ACAN: variants seen among roughly 807,000 people sequenced by gnomAD.
The protein encoded by ACAN is aggrecan, also known as aggrecan core protein.
Under a neutral mutation model 169.1 loss-of-function variants are expected in ACAN, and 47 were observed. The observed-to-expected ratio is 0.28, with a 90% CI of 0.22 to 0.35. ACAN has a LOEUF of 0.35. ACAN is among the 10% of genes least tolerant of loss of function. ACAN has a pLI of 1.00. For missense variants in ACAN, 2,716 were observed against 2,759.9 expected (o/e 0.98, Z 0.36); for synonymous variants, 1,115 against 1,112.2 (o/e 1.00, Z -0.05).
intron 11 of ACAN, among the ~76,000 whole-genome samples, chr15:88,853,150 G>T (rs79230535): frequency 0.027 from 4,141 of 152,214 alleles, 196 homozygotes; most frequent in African/African-American, 0.095. Flanking sequence ...CTTTGGCATC[G>T]GGGTGTGACT....
chr15:88,858,762 T>A lies in ACAN; in HGVS notation c.6177T>A (p.Pro2059=). 6.2e-7 allele frequency: 1 copy of A among 1,613,958 alleles called. No individual in the cohort carries two copies. Among genetic ancestry groups the A allele is most frequent in the Non-Finnish European group, 8.5e-7 (1 of 1,179,874 alleles). The change falls in exon 12 of 19, where the codon CCT becomes CCA. Residue 2059 remains proline (P), a synonymous_variant. Transcript: ENST00000560601. This position sits in a 1 kb window ranked among gnomAD's most constrained non-coding sequence, Gnocchi z 4.0. Reference sequence around the variant, plus strand: ...CTCAGGAACTAGGCCAAAGGCCCCCTGTGACACACACACCCCAGCTTTTTG... The same window carrying A: ...CTCAGGAACTAGGCCAAAGGCCCCCAGTGACACACACACCCCAGCTTTTTG... ...TISQELGQRP[P]VTHTPQLFES...
In ACAN at chr15:88,858,086, C is replaced by A; in HGVS notation, c.5501C>A (p.Thr1834Asn). ...GESSGITFVD[T>N]SLVEVAPTTF... Reference sequence around the variant, plus strand: ...TCTTCTGGGATTACATTTGTGGACACCAGTTTGGTTGAAGTGGCCCCTACT... The same window carrying A: ...TCTTCTGGGATTACATTTGTGGACAACAGTTTGGTTGAAGTGGCCCCTACT... The change falls in exon 12 of 19, where the codon ACC (threonine) becomes AAC (asparagine). Residue 1834 changes from threonine to asparagine, a missense_variant. By Grantham distance (65) the Thr-to-Asn change is moderately conservative. This residue lies in a region of ACAN where 1,389 missense variants were observed against 1,363.7 expected (regional missense o/e 1.02). Coordinates refer to ENST00000560601, the MANE Select transcript of ACAN (RefSeq NM_001369268.1). The surrounding 1 kb of genome is among the most constrained non-coding windows in gnomAD (Gnocchi z 4.0). 1 of 1,613,802 alleles carries A rather than the reference C, an allele frequency of 6.2e-7. No homozygotes were observed. The highest frequency in any genetic ancestry group is 1.7e-5 in the Admixed American group (1 of 60,006).
In ACAN at chr15:88,872,769, G is replaced by C. The variant is rs987672019; in HGVS notation, c.7303-112G>C. ...GCTGCTATCAGATGAGCCTGAAGTTGGTGCTAAAAGAGAAAGGAGATGATG... is the reference window on the plus strand; with the variant it reads ...GCTGCTATCAGATGAGCCTGAAGTTCGTGCTAAAAGAGAAAGGAGATGATG... On this transcript the variant is annotated intron_variant, in intron 16 of 18. Transcript: ENST00000560601. The surrounding 1 kb of genome is among the most constrained non-coding windows in gnomAD (Gnocchi z 5.4). 2.3e-6 allele frequency: 3 copies of C among 1,312,970 alleles called. No homozygotes were observed. The highest frequency in any genetic ancestry group is 2.1e-6 in the Non-Finnish European group (2 of 958,740). The allele number at this position is 1,312,970 out of a possible 1,614,324, so 81.3% of individuals were successfully genotyped here. A position where few individuals can be genotyped will look rare whatever the true frequency, so the allele number is the denominator to read the frequency against.
At chr15:88,833,735 T>TC (rs1555453138) in intron 1 of ACAN, among the ~76,000 whole-genome samples, 8 of 139,656 alleles carry the variant, frequency 5.7e-5, no homozygotes, top group East Asian at 2.3e-4. Context: ...CTACCCCCAC[T>TC]CTCCTCCCCA....
In ACAN at chr15:88,871,132, T is replaced by G. The variant is rs1306876401; in HGVS notation, c.7061-250T>G. On this transcript the variant is annotated intron_variant, in intron 14 of 18. Transcript: ENST00000560601. The surrounding 1 kb of genome is among the most constrained non-coding windows in gnomAD (Gnocchi z 7.8). ...AAGAGGAGGAAAGCTTGGGAGAGGG[T>G]GAGGGGGGAGGGCGTGGCATCAGGG... 2.0e-5 allele frequency among the ~76,000 whole-genome samples: 3 copies of G among 151,450 alleles called. No individual in the cohort carries two copies. The highest frequency in any genetic ancestry group is 4.4e-5 in the Non-Finnish European group (3 of 67,872).
In ACAN at chr15:88,807,595, G is replaced by C. The variant is rs977283018; in HGVS notation, c.-8+3786G>C. 9.8e-5 allele frequency among the ~76,000 whole-genome samples: 15 copies of C among 152,340 alleles called. No homozygotes were observed. Among genetic ancestry groups the C allele is most frequent in the African/African-American group, 3.4e-4 (14 of 41,578 alleles). ...GCAGAACAAGGGGAGGGCTGGAGAA[G>C]GAGCGGGAGTGCAGGCGAGAGGAGG... On this transcript the variant is annotated intron_variant, in intron 1 of 18. Coordinates refer to ENST00000560601, the MANE Select transcript of ACAN (RefSeq NM_001369268.1). This position sits in a 1 kb window ranked among gnomAD's most constrained non-coding sequence, Gnocchi z 4.0.
intron 13 of ACAN, among the ~76,000 whole-genome samples, chr15:88,862,174 G>C (rs529289439): frequency 6.6e-6 from 1 of 152,344 alleles, no homozygotes; most frequent in East Asian, 1.9e-4. Context: ...GGGAGGAGCT[G>C]AGGAATCTGA....
rs772707511 is a variant in ACAN, at chr15:88,855,157, G to A, written c.2572G>A (p.Gly858Arg). The A allele has an allele frequency of 2.5e-6, 4 of 1,609,274 alleles. No homozygotes were observed. In the Middle Eastern group the frequency reaches 5.0e-4, roughly 200 times the overall value. Residue 858 changes from glycine to arginine, a missense_variant, in exon 12 of 19, where the codon GGG becomes AGG. This residue lies in a region of ACAN where 1,283 missense variants were observed against 1,281.5 expected (regional missense o/e 1.00). Coordinates refer to ENST00000560601, the MANE Select transcript of ACAN (RefSeq NM_001369268.1). ...VPSWTELPSS[G>R]EESGAPDVSG... Reference sequence around the variant, plus strand: ...CAGCTGGACTGAGCTGCCCAGCTCTGGGGAGGAATCTGGGGCCCCTGATGT... The same window carrying A: ...CAGCTGGACTGAGCTGCCCAGCTCTAGGGAGGAATCTGGGGCCCCTGATGT...
intron 5 of ACAN, among the ~76,000 whole-genome samples, chr15:88,842,643 C>CCA (rs1279681360): frequency 6.6e-6 from 1 of 152,186 alleles, no homozygotes; most frequent in Non-Finnish European, 1.5e-5. Context: ...TGCCGCATTC[C>CCA]CACCCCAGGG....
At chr15:88,852,801 C>A (rs923004944) in intron 11 of ACAN, among the ~76,000 whole-genome samples, 2 of 152,190 alleles carry the variant, frequency 1.3e-5, no homozygotes, top group African/African-American at 2.4e-5. Flanking sequence ...CAGCTTCCAA[C>A]TGGGGAAAGC....
In ACAN at chr15:88,872,082, C is replaced by T. The variant is rs1897394063; in HGVS notation, c.7299C>T (p.Pro2433=). ...EGDFRWSDGH[P]MQFENWRPNQ... is the part of the protein sequence containing the mutation. ...ACTTCCGCTGGTCAGATGGACACCC[C>T]ATGGTGAGTTCTGCTGTAGGCACAG... Residue 2433 remains proline, a synonymous_variant, in exon 16 of 19, where the codon CCC becomes CCT. Coordinates refer to ENST00000560601, the MANE Select transcript of ACAN (RefSeq NM_001369268.1). The surrounding 1 kb of genome is among the most constrained non-coding windows in gnomAD (Gnocchi z 5.4). The T allele has an allele frequency of 6.2e-7, 1 of 1,613,588 alleles. No homozygotes were observed. Among genetic ancestry groups the T allele is most frequent in the Admixed American group, 1.7e-5 (1 of 60,006 alleles).
In ACAN at chr15:88,807,952, C is replaced by G. The variant is rs550457688; in HGVS notation, c.-8+4143C>G. 9.9e-5 allele frequency among the ~76,000 whole-genome samples: 15 copies of G among 152,214 alleles called. No individual in the cohort carries two copies. Among genetic ancestry groups the G allele is most frequent in the Non-Finnish European group, 2.1e-4 (14 of 68,014 alleles). On this transcript the variant is annotated intron_variant, in intron 1 of 18. Coordinates refer to ENST00000560601, the MANE Select transcript of ACAN (RefSeq NM_001369268.1). This position sits in a 1 kb window ranked among gnomAD's most constrained non-coding sequence, Gnocchi z 4.0. ...CATCACGATTTGGATATTTGGTTACCTTTGAGGTTACATGTTTTTCCTCTT... is the reference window on the plus strand; with the variant it reads ...CATCACGATTTGGATATTTGGTTACGTTTGAGGTTACATGTTTTTCCTCTT...
Position 88,849,899 on chromosome 15 carries a change from A to C in ACAN, c.2026+168A>C. The C allele has an allele frequency of 1.0e-6, 1 of 961,454 alleles. No individual in the cohort carries two copies. The highest frequency in any genetic ancestry group is 1.6e-6 in the Non-Finnish European group (1 of 620,582). The allele number at this position is 961,454 out of a possible 1,614,324, so 59.6% of individuals were successfully genotyped here. On this transcript the variant is annotated intron_variant, in intron 10 of 18. Transcript: ENST00000560601. This position sits in a 1 kb window ranked among gnomAD's most constrained non-coding sequence, Gnocchi z 5.1. Reference sequence around the variant, plus strand: ...CCAGCACAACGCAGGCTTTGACCCCAAGGCAAGGTCATCCTTCTAAAGTTC... The same window carrying C: ...CCAGCACAACGCAGGCTTTGACCCCCAGGCAAGGTCATCCTTCTAAAGTTC...
chr15:88,851,615 G>A lies in ACAN; in HGVS notation c.2027-179G>A. On this transcript the variant is annotated intron_variant, in intron 10 of 18. Transcript: ENST00000560601. The surrounding 1 kb of genome is among the most constrained non-coding windows in gnomAD (Gnocchi z 4.3). Reference sequence around the variant, plus strand: ...GAACTAAAGTGCTGATGGTGCATATGGATATTATATCATTGGTGCCGATGG... The same window carrying A: ...GAACTAAAGTGCTGATGGTGCATATAGATATTATATCATTGGTGCCGATGG... 4.6e-6 allele frequency: 3 copies of A among 658,064 alleles called. No homozygotes were observed. Among genetic ancestry groups the A allele is most frequent in the Non-Finnish European group, 7.5e-6 (3 of 398,966 alleles). The allele number at this position is 658,064 out of a possible 1,614,324, so 40.8% of individuals were successfully genotyped here. A position where few individuals can be genotyped will look rare whatever the true frequency, so the allele number is the denominator to read the frequency against.
chr15:88,851,959 A>C lies in ACAN; in HGVS notation c.2192A>C (p.Glu731Ala). 6.2e-7 allele frequency: 1 copy of C among 1,612,560 alleles called. No homozygotes were observed. The highest frequency in any genetic ancestry group is 8.5e-7 in the Non-Finnish European group (1 of 1,179,356). ...TCAGGGGAGACTACTGCCATCCTAG[A>C]GTTCACCACCGAGCCAGAAAACCAG... is the stretch of plus-strand genomic sequence containing the variant. ...VPSGETTAILEFTTEPENQTE... is the reference protein window; with the variant it reads ...VPSGETTAILAFTTEPENQTE... The change falls in exon 11 of 19, where the codon GAG becomes GCG. Residue 731 changes from glutamate (E) to alanine (A), a missense_variant. Physicochemically the swap from Glu to Ala is moderately radical, Grantham distance 107. This residue lies in a region of ACAN where 1,283 missense variants were observed against 1,281.5 expected (regional missense o/e 1.00). Transcript: ENST00000560601. This position sits in a 1 kb window ranked among gnomAD's most constrained non-coding sequence, Gnocchi z 4.3.
intron 9 of ACAN, among the ~76,000 whole-genome samples, chr15:88,848,801 C>G (rs78326510): frequency 0.027 from 4,148 of 152,330 alleles, 196 homozygotes; most frequent in African/African-American, 0.095. Context: ...GGCCTCAGCT[C>G]CTTCATCTAT....
chr15:88,804,253 T>C (rs1895619241), intron 1 of ACAN, among the ~76,000 whole-genome samples: 1 of 152,138 alleles, frequency 6.6e-6, no homozygotes, highest in African/African-American at 2.4e-5. Context: ...GTCTGTCAGC[T>C]GAGAGGGAAA....
chr15:88,859,145 C>T lies in ACAN; in HGVS notation c.6560C>T (p.Ala2187Val). Residue 2187 changes from alanine (A) to valine (V), a missense_variant, in exon 12 of 19, where the codon GCC becomes GTC. This residue lies in a region of ACAN where 1,389 missense variants were observed against 1,363.7 expected (regional missense o/e 1.02). Coordinates refer to ENST00000560601, the MANE Select transcript of ACAN (RefSeq NM_001369268.1). ...ACAGAGGCACCAGGCTTGCCTTCAGCCACTCCCACGGCTTCTGGAGACAGG... is the reference window on the plus strand; with the variant it reads ...ACAGAGGCACCAGGCTTGCCTTCAGTCACTCCCACGGCTTCTGGAGACAGG... ...VGTEAPGLPSATPTASGDRTE... is the reference protein window; with the variant it reads ...VGTEAPGLPSVTPTASGDRTE... 6.2e-7 allele frequency: 1 copy of T among 1,613,846 alleles called. No individual in the cohort carries two copies. The highest frequency in any genetic ancestry group is 8.5e-7 in the Non-Finnish European group (1 of 1,179,904).
chr15:88,841,934 C>G, intron 5 of ACAN, 67 bp downstream of exon 5: 1 of 1,594,628 alleles, frequency 6.3e-7, no homozygotes, highest in South Asian at 1.1e-5. Flanking sequence ...CTCCCCATCT[C>G]CCCACTGACA....
Sources: allele counts gnomAD v4.1 joint callset (sites outside exome capture counted in the v4.1 genomes callset), GRCh38; gene constraint gnomAD v4.1.1; regional missense constraint gnomAD v4.1.1; non-coding constraint Gnocchi (gnomAD v3.1); transcripts MANE v1.5; gene names NCBI Gene and HGNC (gene_info 2026-07-23, HGNC 2026-07-21).